Variants in SYK observed in about 807,000 individuals in gnomAD.
SYK encodes spleen associated tyrosine kinase.
In SYK, 16 loss-of-function variants were observed where a neutral mutation model predicts 77.8. That is an observed-to-expected ratio of 0.21 (90% CI 0.14 to 0.31). SYK has a LOEUF of 0.31. SYK is among the 10% of genes least tolerant of loss of function. The pLI is 1.00. For missense variants in SYK, 529 were observed against 814.4 expected (o/e 0.65, Z 4.26); for synonymous variants, 312 against 308.7 (o/e 1.01, Z -0.11).
intron 9 of SYK, 127 bp from the exon 10 acceptor site, chr9:90,877,444 C>A: frequency 2.0e-6 from 2 of 1,000,310 alleles, no homozygotes; most frequent in South Asian, 1.6e-5. Flanking sequence ...TCTGAAGACA[C>A]ATTGCCACTC....
intron 3 of SYK, among the ~76,000 whole-genome samples, chr9:90,846,763 G>A (rs1336448340): frequency 6.6e-6 from 1 of 151,758 alleles, no homozygotes; most frequent in Non-Finnish European, 1.5e-5. Context: ...AGTGCCTAGA[G>A]TGATGGTCTT....
At chr9:90,869,661 C>T (rs1449148466) in intron 7 of SYK, among the ~76,000 whole-genome samples, 1 of 151,986 alleles carries the variant, frequency 6.6e-6, no homozygotes, top group Non-Finnish European at 1.5e-5. Flanking sequence ...ATAATTCAGG[C>T]ACAAAAAATA....
chr9:90,816,306 G>A lies in SYK; in HGVS notation c.-42+14413G>A, dbSNP rs572344654. On this transcript the variant is annotated intron_variant, in intron 1 of 13. Transcript: ENST00000375754. ...GCATGTGTTTAGAAGGCAGATAGCT[G>A]TGCTTCTGTTCTTCTGATTTTCGAC... Among the ~76,000 whole-genome samples, 7 of 152,294 alleles carry A rather than the reference G, an allele frequency of 4.6e-5. No individual in the cohort carries two copies. The South Asian group carries it at 1.2e-3, about 27-fold the overall frequency.
chr9:90,875,269 C>A (rs7872076), intron 9 of SYK, among the ~76,000 whole-genome samples: 2 of 150,338 alleles, frequency 1.3e-5, no homozygotes, highest in African/African-American at 5.0e-5. Context: ...ATAAATAAAA[C>A]ATAAAAAATT....
chr9:90,875,794 A>G (rs1827903841), intron 9 of SYK, among the ~76,000 whole-genome samples: 3 of 152,220 alleles, frequency 2.0e-5, no homozygotes, highest in Admixed American at 1.3e-4. Context: ...CATAGAATGT[A>G]CAAGTAAAAC....
In SYK at chr9:90,884,280, C is replaced by CAT. The variant is rs200005677; in HGVS notation, c.1582-3468_1582-3467insTA. On this transcript the variant is annotated intron_variant, in intron 11 of 13. Coordinates refer to ENST00000375754, the MANE Select transcript of SYK (RefSeq NM_003177.7). Reference sequence around the variant, plus strand: ...ACATACACATACGTGTATATATACACACATATACACATACGTGTATATATA... The same window carrying CAT: ...ACATACACATACGTGTATATATACACATACATATACACATACGTGTATATATA... Among the ~76,000 whole-genome samples the CAT allele has an allele frequency of 9.4e-3, 527 of 56,288 alleles. 24 individuals carry two copies. Among genetic ancestry groups the CAT allele is most frequent in the Non-Finnish European group, 0.012 (318 of 26,952 alleles). The allele number at this position is 56,288 out of a possible 152,430, so 36.9% of individuals were successfully genotyped here.
intron 3 of SYK, among the ~76,000 whole-genome samples, chr9:90,852,336 A>T (rs1370755098): frequency 6.6e-6 from 1 of 151,946 alleles, no homozygotes; most frequent in Non-Finnish European, 1.5e-5. Flanking sequence ...GCTGTGATCA[A>T]CTCCTCTCTG....
chr9:90,884,151 G>GTGTATATATATATACACATACA (rs1564119721), intron 11 of SYK, among the ~76,000 whole-genome samples: 2 of 94,564 alleles, frequency 2.1e-5, no homozygotes, highest in Admixed American at 1.0e-4. Context: ...ATATGTGTGT[G>GTGTATATATATATACACATACA]TGTATATATA....
Position 90,888,621 on chromosome 9 carries a change from CATACGA to C in SYK, c.1830_1835del (p.Tyr611_Asp612del). On this transcript the variant is annotated inframe_deletion and splice_region_variant, in exon 13 of 14. Coordinates refer to ENST00000375754, the MANE Select transcript of SYK (RefSeq NM_003177.7). ...TACGATCTCATGAATCTGTGCTGGACATACGAGTGAGTACCTGACACTGACTGTGAT... is the reference window on the plus strand; with the variant it reads ...TACGATCTCATGAATCTGTGCTGGACGTGAGTACCTGACACTGACTGTGAT... 1 of 1,598,724 alleles carries C rather than the reference CATACGA, an allele frequency of 6.3e-7. No individual in the cohort carries two copies. The highest frequency in any genetic ancestry group is 8.5e-7 in the Non-Finnish European group (1 of 1,172,888).
intron 1 of SYK, among the ~76,000 whole-genome samples, chr9:90,832,153 C>G (rs1825920940): frequency 6.6e-6 from 1 of 152,180 alleles, no homozygotes; most frequent in Admixed American, 6.5e-5. Context: ...TCCCCAGGAG[C>G]AACTGTTCAG....
intron 11 of SYK, among the ~76,000 whole-genome samples, chr9:90,879,868 T>A (rs1828082777): frequency 6.6e-6 from 1 of 152,228 alleles, no homozygotes; most frequent in Non-Finnish European, 1.5e-5. Flanking sequence ...CTAATATAAC[T>A]TGACCCCTCT....
chr9:90,822,919 A>G (rs1237542585), intron 1 of SYK, among the ~76,000 whole-genome samples: 2 of 152,250 alleles, frequency 1.3e-5, no homozygotes, highest in African/African-American at 4.8e-5. Context: ...AAGCCTCACT[A>G]GGTTCTTATT....
chr9:90,834,935 G>T (rs984658150), intron 1 of SYK, among the ~76,000 whole-genome samples: 2 of 152,196 alleles, frequency 1.3e-5, no homozygotes, highest in Admixed American at 1.3e-4. Context: ...TTCCAGTCAG[G>T]GGTAAGTTAC....
In SYK at chr9:90,897,103, A is replaced by G. The variant is rs989660254; in HGVS notation, c.*1503A>G. The G allele has an allele frequency of 2.2e-5, 5 of 227,598 alleles. No homozygotes were observed. Among genetic ancestry groups the G allele is most frequent in the Non-Finnish European group, 4.4e-5 (5 of 114,552 alleles). 14.1% of individuals were successfully genotyped at this position (227,598 alleles called of 1,614,324 possible). A position where few individuals can be genotyped will look rare whatever the true frequency, so the allele number is the denominator to read the frequency against. Reference sequence around the variant, plus strand: ...TGCCAGCAGATATAAATAAACTTGGACCCATCTGGTCTTCAGCTAAACCTG... The same window carrying G: ...TGCCAGCAGATATAAATAAACTTGGGCCCATCTGGTCTTCAGCTAAACCTG... On this transcript the variant is annotated 3_prime_UTR_variant, in exon 14 of 14. Transcript: ENST00000375754.
Position 90,877,564 on chromosome 9 carries a change from C to G in SYK, c.1182-7C>G, listed in dbSNP as rs290223. ...AAGTTTCTTGTGTGTTATGATTTCT[C>G]TTGCAGAGTTGTGAAAACCGTGGCT... On this transcript the variant is annotated splice_polypyrimidine_tract_variant and splice_region_variant and intron_variant, in intron 9 of 13. Coordinates refer to ENST00000375754, the MANE Select transcript of SYK (RefSeq NM_003177.7). The G allele has an allele frequency of 0.22, 357,527 of 1,613,642 alleles. 43,059 individuals carry two copies. The highest frequency in any genetic ancestry group is 0.53 in the East Asian group (23,945 of 44,862).
Position 90,842,135 on chromosome 9 carries a change from T to A in SYK, c.-41-1723T>A, listed in dbSNP as rs531827606. Among the ~76,000 whole-genome samples, 863 of 151,298 alleles carry A rather than the reference T, an allele frequency of 5.7e-3. 5 individuals carry two copies. Among genetic ancestry groups the A allele is most frequent in the Middle Eastern group, 0.01 (3 of 292 alleles). On this transcript the variant is annotated intron_variant, in intron 1 of 13. Transcript: ENST00000375754. ...TTGTATGTGGTATGTATGTAATTTG[T>A]GTTGTGTGTGCAGTGTGTGTTGTTT... is the stretch of plus-strand genomic sequence containing the variant.
chr9:90,881,679 C>CAAAAAAAAAAAAAAAAA (rs10526591), intron 11 of SYK, among the ~76,000 whole-genome samples: 13 of 89,344 alleles, frequency 1.5e-4, no homozygotes, highest in East Asian at 2.9e-4. Context: ...GACTCTGTCT[C>CAAAAAAAAAAAAAAAAA]AAAAAAAAAA....
At chr9:90,878,563 A>G (rs562289747) in intron 10 of SYK, among the ~76,000 whole-genome samples, 1 of 152,314 alleles carries the variant, frequency 6.6e-6, no homozygotes, top group Admixed American at 6.5e-5. Flanking sequence ...AGGAAACTCA[A>G]TCCCATTGAA....
chr9:90,868,629 A>G (rs929328391), intron 7 of SYK, among the ~76,000 whole-genome samples: 12 of 152,214 alleles, frequency 7.9e-5, no homozygotes, highest in Admixed American at 7.8e-4. Flanking sequence ...TAACTTCATG[A>G]GAAGAGAAAT....
Sources: gnomAD v4.1 joint callset for allele counts (sites outside exome capture counted in the v4.1 genomes callset) on GRCh38, gnomAD v4.1.1 for gene constraint, MANE v1.5 for transcripts, NCBI Gene and HGNC (gene_info 2026-07-23, HGNC 2026-07-21) for gene names.